The following FBXO9 variants were observed in gnomAD, a reference collection of about 807,000 sequenced individuals.
FBXO9 encodes the protein F-box only protein 9.
Under a neutral mutation model 63.7 loss-of-function variants are expected in FBXO9, and 43 were observed. The observed-to-expected ratio is 0.67, with a 90% CI of 0.53 to 0.87. FBXO9 has a LOEUF of 0.87. FBXO9 is among the 40% of genes least tolerant of loss of function. The pLI, the probability that FBXO9 is intolerant of heterozygous loss-of-function variation, is 0.00. For synonymous variants in FBXO9, 156 were observed against 171.7 expected, an observed-to-expected ratio of 0.91 and a Z score of 0.72; for missense variants, 442 against 533.2, an observed-to-expected ratio of 0.83 and a Z score of 1.68.
chr6:53,090,302 T>C (rs1020103563), intron 7 of FBXO9, among the ~76,000 whole-genome samples: 7 of 152,240 alleles, frequency 4.6e-5, no homozygotes, highest in African/African-American at 1.4e-4. Context: ...CTGTCAGGAT[T>C]TTCTTCACAT....
intron 1 of FBXO9, among the ~76,000 whole-genome samples, chr6:53,067,524 C>T (rs1050728866): frequency 1.3e-5 from 2 of 152,054 alleles, no homozygotes; most frequent in Non-Finnish European, 2.9e-5. Context: ...GAAGGCATTC[C>T]AGATAGAGCA....
In FBXO9 at chr6:53,093,907, C is replaced by A; in HGVS notation, c.982C>A (p.His328Asn). The A allele has an allele frequency of 6.5e-7, 1 of 1,549,972 alleles. No homozygotes were observed. Among genetic ancestry groups the A allele is most frequent in the South Asian group, 1.2e-5 (1 of 83,048 alleles). The stretch of plus-strand genomic sequence containing the variant: ...AAGGACTGATGCAATTCTACTGGGT[C>A]ACTATCGCTTGTCACAAGACACAGA... The part of the protein sequence containing the change: ...NTRTDAILLG[H>N]YRLSQDTDNQ... Residue 328 changes from histidine (H) to asparagine (N), a missense_variant, in exon 11 of 13, where the codon CAC (histidine) becomes AAC (asparagine). Physicochemically the swap from His to Asn is moderately conservative, Grantham distance 68. Around this residue, in one of 2 missense-constraint regions of FBXO9, gnomAD observed 262 missense variants for 362.1 expected, o/e 0.72. Coordinates refer to ENST00000323557, the MANE Select transcript of FBXO9 (RefSeq NM_033480.3).
Position 53,096,609 on chromosome 6 carries a change from A to T in FBXO9, c.1205+945A>T, listed in dbSNP as rs528502825. Among the ~76,000 whole-genome samples the T allele has an allele frequency of 1.9e-4, 29 of 151,766 alleles. No individual in the cohort carries two copies. In the East Asian group the frequency reaches 3.9e-3, roughly 20 times the overall value. On this transcript the variant is annotated intron_variant, in intron 12 of 12. Transcript: ENST00000323557. ...GTGGGATTTTTTTTTTCTACTTTTCAAAGAAAGAAACCTGAGCAGGTGTGG... is the reference window on the plus strand; with the variant it reads ...GTGGGATTTTTTTTTTCTACTTTTCTAAGAAAGAAACCTGAGCAGGTGTGG...
chr6:53,067,658 G>A (rs1437963996), intron 1 of FBXO9, among the ~76,000 whole-genome samples: 1 of 152,024 alleles, frequency 6.6e-6, no homozygotes, highest in Admixed American at 6.6e-5. Flanking sequence ...AGGTCCCCTC[G>A]CATTACCTGT....
At position 53,071,186 on chromosome 6, in the gene FBXO9, C is replaced by T. The variant is rs759835994; in HGVS notation, c.90+43C>T. 7.3e-6 allele frequency: 11 copies of T among 1,511,520 alleles called. No homozygotes were observed. In the African/African-American group the frequency reaches 1.5e-4, roughly 21 times the overall value. 93.6% of individuals were successfully genotyped at this position (1,511,520 alleles called of 1,614,324 possible). A position where few individuals can be genotyped will look rare whatever the true frequency, so the allele number is the denominator to read the frequency against. On this transcript the variant is annotated intron_variant, in intron 2 of 12. Coordinates refer to ENST00000323557, the MANE Select transcript of FBXO9 (RefSeq NM_033480.3). ...TGTCTTTGATTTTTATTCCATTGTT[C>T]CCATACATATGCAGAAATTGATCAT...
intron 3 of FBXO9, among the ~76,000 whole-genome samples, chr6:53,074,977 C>T (rs1479013866): frequency 2.0e-5 from 3 of 152,100 alleles, no homozygotes; most frequent in African/African-American, 7.2e-5. Flanking sequence ...CCCAAGAGTA[C>T]AATTGCTAAG....
Position 53,078,816 on chromosome 6 carries a change from A to C in FBXO9, c.325A>C (p.Arg109=). The part of the protein sequence containing the change: ...ALYEAIKFYR[R]AMQLVPDIEF... ...TCTTTTAGCCATCAAGTTTTATCGT[A>C]GGGCTATGCAACTTGTACCTGATAT... The change falls in exon 5 of 13, where the codon AGG becomes CGG. Residue 109 remains arginine (R), a synonymous_variant. Coordinates refer to ENST00000323557, the MANE Select transcript of FBXO9 (RefSeq NM_033480.3). 1 of 1,612,782 alleles carries C rather than the reference A, an allele frequency of 6.2e-7. No individual in the cohort carries two copies. The highest frequency in any genetic ancestry group is 8.5e-7 in the Non-Finnish European group (1 of 1,178,948).
chr6:53,070,912 C>A, intron 1 of FBXO9, 145 bp from the exon 2 acceptor site: 1 of 1,339,348 alleles, frequency 7.5e-7, no homozygotes. Flanking sequence ...CTCAAGTGCC[C>A]CCTACAGCCT....
At chr6:53,076,962 C>G (rs140559029) in intron 4 of FBXO9, among the ~76,000 whole-genome samples, 25 of 151,930 alleles carry the variant, frequency 1.6e-4, no homozygotes, top group Non-Finnish European at 2.1e-4. Context: ...AAAAATATTG[C>G]TGGGAAACAT....
chr6:53,067,284 T>TGTAGTAA, intron 1 of FBXO9, among the ~76,000 whole-genome samples: 1 of 152,238 alleles, frequency 6.6e-6, no homozygotes, highest in South Asian at 2.1e-4. Flanking sequence ...GACAGGCCTT[T>TGTAGTAA]ACTACAAATC....
chr6:53,092,452 C>T lies in FBXO9; in HGVS notation c.677C>T (p.Ala226Val). ...AGAGACCCTGAAATATGGCGTCTGG[C>T]CTGCTTGAAAGTTTGGGGCAGAAGC... ...CARDPEIWRLACLKVWGRSCI... is the reference protein window; with the variant it reads ...CARDPEIWRLVCLKVWGRSCI... Residue 226 changes from alanine (A) to valine (V), a missense_variant, in exon 8 of 13, where the codon GCC becomes GTC. By Grantham distance (64) the Ala-to-Val change is moderately conservative (BLOSUM62 0). This residue lies in a region of FBXO9 where 262 missense variants were observed against 362.1 expected (regional missense o/e 0.72). Transcript: ENST00000323557. The T allele has an allele frequency of 1.2e-6, 2 of 1,613,846 alleles. No individual in the cohort carries two copies. The highest frequency in any genetic ancestry group is 4.5e-5 in the East Asian group (2 of 44,876).
chr6:53,078,757 A>G (rs1187404312), intron 4 of FBXO9, 42 bp from the exon 5 acceptor site: 2 of 1,454,282 alleles, frequency 1.4e-6, no homozygotes, highest in Non-Finnish European at 9.6e-7. Flanking sequence ...AAATGACAAA[A>G]ATGTGTGGTC....
Position 53,100,136 on chromosome 6 carries a change from A to G in FBXO9, c.*2306A>G, listed in dbSNP as rs1158900498. 3.3e-5 allele frequency: 5 copies of G among 152,234 alleles called. No homozygotes were observed. The highest frequency in any genetic ancestry group is 4.1e-4 in the South Asian group (2 of 4,834). 9.4% of individuals were successfully genotyped at this position (152,234 alleles called of 1,614,324 possible). A position where few individuals can be genotyped will look rare whatever the true frequency, so the allele number is the denominator to read the frequency against. On this transcript the variant is annotated 3_prime_UTR_variant, in exon 13 of 13. Transcript: ENST00000323557. Reference sequence around the variant, plus strand: ...TATATTTGTAAAATGCAAAAGCAATATATATTTGTTGTGAGAAAATTAGAA... The same window carrying G: ...TATATTTGTAAAATGCAAAAGCAATGTATATTTGTTGTGAGAAAATTAGAA...
chr6:53,098,687 TTAAG>T lies in FBXO9; in HGVS notation c.*859_*862del. Reference sequence around the variant, plus strand: ...GTAGGCACCTTACCAATATATGACATTAAGTGAGAGTGAATCCCTTAGGACTGGA... The same window carrying T: ...GTAGGCACCTTACCAATATATGACATTGAGAGTGAATCCCTTAGGACTGGA... On this transcript the variant is annotated 3_prime_UTR_variant, in exon 13 of 13. Coordinates refer to ENST00000323557, the MANE Select transcript of FBXO9 (RefSeq NM_033480.3). 6.6e-6 allele frequency: 1 copy of T among 152,326 alleles called. No individual in the cohort carries two copies. The highest frequency in any genetic ancestry group is 1.9e-4 in the East Asian group (1 of 5,176). The allele number at this position is 152,326 out of a possible 1,614,324, so 9.4% of individuals were successfully genotyped here. A position where few individuals can be genotyped will look rare whatever the true frequency, so the allele number is the denominator to read the frequency against.
In FBXO9 at chr6:53,095,543, C is replaced by T. The variant is rs753933679; in HGVS notation, c.1084C>T (p.Arg362Cys). The change falls in exon 12 of 13, where the codon CGT becomes TGT. Residue 362 changes from arginine (R) to cysteine (C), a missense_variant. By Grantham distance (180) the Arg-to-Cys change is radical (BLOSUM62 -3). This residue lies in a region of FBXO9 where 262 missense variants were observed against 362.1 expected (regional missense o/e 0.72). Transcript: ENST00000323557. ...KPLDYKYRYF[R>C]RVPVQEADQS... is the part of the protein sequence containing the mutation. Reference sequence around the variant, plus strand: ...ACTTGACTATAAATACAGATATTTTCGTCGTGTCCCTGTACAAGAAGCAGA... The same window carrying T: ...ACTTGACTATAAATACAGATATTTTTGTCGTGTCCCTGTACAAGAAGCAGA... The T allele has an allele frequency of 3.5e-5, 57 of 1,612,190 alleles. No individual in the cohort carries two copies. The highest frequency in any genetic ancestry group is 4.6e-5 in the Non-Finnish European group (54 of 1,179,262).
intron 4 of FBXO9, 31 bp downstream of exon 4, chr6:53,076,574 A>T (rs753739462): frequency 1.4e-6 from 2 of 1,435,024 alleles, no homozygotes; most frequent in Non-Finnish European, 1.9e-6. Context: ...TTCATATCAT[A>T]ACATTTCTGA....
chr6:53,089,130 A>G (rs894538055), intron 7 of FBXO9, among the ~76,000 whole-genome samples: 16 of 150,336 alleles, frequency 1.1e-4, no homozygotes, highest in Non-Finnish European at 2.4e-4. Flanking sequence ...CTGCAGGTGC[A>G]GTGGTGCCAT....
chr6:53,090,035 T>C (rs1763001326), intron 7 of FBXO9, among the ~76,000 whole-genome samples: 1 of 152,130 alleles, frequency 6.6e-6, no homozygotes, highest in African/African-American at 2.4e-5. Flanking sequence ...TTCAGGGAGG[T>C]AAAGGCAGGC....
At chr6:53,072,921 C>G (rs982168063) in intron 2 of FBXO9, among the ~76,000 whole-genome samples, 15 of 152,118 alleles carry the variant, frequency 9.9e-5, no homozygotes, top group African/African-American at 2.9e-4. Flanking sequence ...CAGGGTTTCA[C>G]CATGTTGGCC....
Sources: gnomAD v4.1 joint callset for allele counts (sites outside exome capture counted in the v4.1 genomes callset) on GRCh38, gnomAD v4.1.1 for gene constraint, gnomAD v4.1.1 regional missense constraint, MANE v1.5 for transcripts, NCBI Gene and HGNC (gene_info 2026-07-23, HGNC 2026-07-21) for gene names.